EIF4E: variants seen among roughly 807,000 people sequenced by gnomAD.
The protein encoded by EIF4E is eIF-4F 25 kDa subunit.
For synonymous variants in EIF4E, 71 were observed against 88.5 expected (o/e 0.80, Z 1.11); for missense variants, 113 against 265.6 (o/e 0.43, Z 3.99).
At chr4:98,889,074 G>A (rs1482420720) in intron 3 of EIF4E, among the ~76,000 whole-genome samples, 3 of 151,596 alleles carry the variant, frequency 2.0e-5, no homozygotes, top group Admixed American at 1.3e-4. Flanking sequence ...CAGGAAAATC[G>A]CTTGAACCCA....
At chr4:98,911,724 T>A (rs1725149818) in intron 1 of EIF4E, among the ~76,000 whole-genome samples, 1 of 147,922 alleles carries the variant, frequency 6.8e-6, no homozygotes, top group African/African-American at 2.5e-5. Flanking sequence ...TTAAAATAAA[T>A]TTTTTTAAAG....
intron 2 of EIF4E, 99 bp downstream of exon 2, chr4:98,901,777 C>T: frequency 8.8e-7 from 1 of 1,136,306 alleles, no homozygotes; most frequent in Non-Finnish European, 1.3e-6. Context: ...CTTAGCATAT[C>T]TAAAACTAGT....
chr4:98,924,873 G>T (rs1339768515), intron 1 of EIF4E, among the ~76,000 whole-genome samples: 4 of 152,150 alleles, frequency 2.6e-5, no homozygotes, highest in African/African-American at 9.7e-5. Context: ...GAGATTACAG[G>T]CGTGAGCCAC....
chr4:98,923,926 G>A (rs1314340401), intron 1 of EIF4E, among the ~76,000 whole-genome samples: 1 of 151,978 alleles, frequency 6.6e-6, no homozygotes, highest in Non-Finnish European at 1.5e-5. Flanking sequence ...ATCTTATTCC[G>A]ACTTTCAGCT....
intron 2 of EIF4E, among the ~76,000 whole-genome samples, chr4:98,898,157 T>C (rs1724494763): frequency 6.6e-6 from 1 of 152,130 alleles, no homozygotes; most frequent in African/African-American, 2.4e-5. Context: ...CAAAGGAGCA[T>C]ATCAACAATT....
At position 98,880,437 on chromosome 4, in the gene EIF4E, C is replaced by T. The variant is rs1391113047; in HGVS notation, c.*591G>A. 1.2e-5 allele frequency: 1 copy of T among 82,294 alleles called. No individual in the cohort carries two copies. The highest frequency in any genetic ancestry group is 2.4e-5 in the Non-Finnish European group (1 of 41,554). 5.1% of individuals were successfully genotyped at this position (82,294 alleles called of 1,614,324 possible). A position where few individuals can be genotyped will look rare whatever the true frequency, so the allele number is the denominator to read the frequency against. On this transcript the variant is annotated 3_prime_UTR_variant, in exon 7 of 7. Coordinates refer to ENST00000450253, the MANE Select transcript of EIF4E (RefSeq NM_001968.5). ...ATTCCTGGATCCTTCACCAATGTTA[C>T]ATGAGGAAAAAAACAAAAGCAAAAC...
At chr4:98,918,732 T>C (rs1725514340) in intron 1 of EIF4E, among the ~76,000 whole-genome samples, 1 of 152,058 alleles carries the variant, frequency 6.6e-6, no homozygotes, top group Admixed American at 6.6e-5. Flanking sequence ...AAAAAAGAAG[T>C]GAAAACTTTA....
chr4:98,909,502 G>C, intron 1 of EIF4E: 1 of 586,476 alleles, frequency 1.7e-6, no homozygotes, highest in Non-Finnish European at 3.0e-6. Flanking sequence ...TGGACCCCAT[G>C]ATTTAATGCA....
intron 2 of EIF4E, among the ~76,000 whole-genome samples, chr4:98,892,336 CAAACAAAAAAAAA>C (rs919176413): frequency 1.5e-5 from 2 of 131,228 alleles, no homozygotes; most frequent in South Asian, 2.4e-4. Flanking sequence ...AACAAAAAAA[CAAACAAAAAAAAA>C]AAACAAAAAA....
At chr4:98,896,339 G>A (rs1482184747) in intron 2 of EIF4E, among the ~76,000 whole-genome samples, 1 of 150,856 alleles carries the variant, frequency 6.6e-6, no homozygotes, top group African/African-American at 2.5e-5. Context: ...GCCACTGCAC[G>A]CCAACGTGAG....
intron 1 of EIF4E, among the ~76,000 whole-genome samples, chr4:98,917,877 ACCAGCCTGG>A (rs1343789480): frequency 1.3e-5 from 2 of 152,116 alleles, no homozygotes; most frequent in African/African-American, 4.8e-5. Context: ...GGAGTTTGAG[ACCAGCCTGG>A]CCAACATAAT....
At chr4:98,900,904 T>C (rs1724615331) in intron 2 of EIF4E, among the ~76,000 whole-genome samples, 2 of 152,238 alleles carry the variant, frequency 1.3e-5, no homozygotes, top group Non-Finnish European at 2.9e-5. Flanking sequence ...CCACATTCCC[T>C]GGCTCTCGTT....
intron 6 of EIF4E, among the ~76,000 whole-genome samples, chr4:98,881,747 C>T (rs552088113): frequency 1.3e-5 from 2 of 152,118 alleles, no homozygotes; most frequent in East Asian, 1.9e-4. Flanking sequence ...TGAAACACTT[C>T]GAGGGAGAAT....
At chr4:98,882,396 CAAAAA>C (rs33922454) in intron 6 of EIF4E, among the ~76,000 whole-genome samples, 4 of 85,212 alleles carry the variant, frequency 4.7e-5, no homozygotes, top group Non-Finnish European at 9.5e-5. Flanking sequence ...GACTCCGTCT[CAAAAA>C]AAAAAAAAAA....
intron 2 of EIF4E, among the ~76,000 whole-genome samples, chr4:98,893,168 T>C (rs768315192): frequency 1.3e-5 from 2 of 152,224 alleles, no homozygotes; most frequent in African/African-American, 4.8e-5. Flanking sequence ...GTACATACCT[T>C]AATTAAAAAT....
At chr4:98,928,319 G>A (rs960137227) in intron 1 of EIF4E, among the ~76,000 whole-genome samples, 4 of 152,004 alleles carry the variant, frequency 2.6e-5, no homozygotes, top group Non-Finnish European at 4.4e-5. Flanking sequence ...CAAGCATGGA[G>A]GGGCGAGGAC....
intron 6 of EIF4E, among the ~76,000 whole-genome samples, chr4:98,883,113 C>G (rs987314243): frequency 6.6e-6 from 1 of 152,036 alleles, no homozygotes; most frequent in Non-Finnish European, 1.5e-5. Context: ...TGGCGAAACC[C>G]TGTCTCTACA....
intron 1 of EIF4E, among the ~76,000 whole-genome samples, chr4:98,917,533 G>A (rs978075222): frequency 6.6e-6 from 1 of 151,964 alleles, no homozygotes; most frequent in Non-Finnish European, 1.5e-5. Context: ...ATCCAATAGT[G>A]GCAATACCAT....
chr4:98,892,135 T>C (rs1724166254), intron 2 of EIF4E, among the ~76,000 whole-genome samples: 1 of 150,858 alleles, frequency 6.6e-6, no homozygotes, highest in African/African-American at 2.4e-5. Context: ...TCACCTGAGG[T>C]TGGGAATTCG....
Sources: allele counts gnomAD v4.1 joint callset (sites outside exome capture counted in the v4.1 genomes callset), GRCh38; gene constraint gnomAD v4.1.1; transcripts MANE v1.5; gene names NCBI Gene and HGNC (gene_info 2026-07-23, HGNC 2026-07-21).